Variants in AHSG observed in about 807,000 individuals in gnomAD.
AHSG encodes the protein alpha 2-HS glycoprotein.
In AHSG, 23 loss-of-function variants were observed where a neutral mutation model predicts 30.1. That is an observed-to-expected ratio of 0.76 (90% CI 0.55 to 1.08). The LOEUF is 1.08. Ranked by LOEUF, AHSG falls within the 50% of genes least tolerant of loss-of-function variation. The pLI, the probability that AHSG is intolerant of heterozygous loss-of-function variation, is 0.00. For synonymous variants in AHSG, 164 were observed against 186.3 expected (o/e 0.88, Z 0.98); for missense variants, 469 against 459.5 (o/e 1.02, Z -0.19).
In AHSG at chr3:186,620,726, A is replaced by G; in HGVS notation, c.900A>G (p.Leu300=). The change falls in exon 7 of 7, where the codon TTA becomes TTG. Residue 300 remains leucine, a synonymous_variant. Coordinates refer to ENST00000411641, the MANE Select transcript of AHSG (RefSeq NM_001622.4). ...GCTCACCCCCAGACTCCCATGTGTT[A>G]CTGGCAGCTCCTCCAGGACACCAGT... ...PAGSPPDSHV[L]LAAPPGHQLH... 12 of 1,614,032 alleles carry G rather than the reference A, an allele frequency of 7.4e-6. No individual in the cohort carries two copies. The highest frequency in any genetic ancestry group is 1.0e-5 in the Non-Finnish European group (12 of 1,179,994).
At chr3:186,619,583 T>G (rs139914096) in intron 5 of AHSG, among the ~76,000 whole-genome samples, 72 of 152,258 alleles carry the variant, frequency 4.7e-4, no homozygotes, top group African/African-American at 1.7e-3. Flanking sequence ...TTAAATCATA[T>G]TTAATAGTAT....
At chr3:186,618,406 A>T (rs923748932) in intron 4 of AHSG, 130 bp from the exon 5 acceptor site, 1 of 1,431,720 alleles carries the variant, frequency 7.0e-7, no homozygotes. Context: ...ATTGAGGGAC[A>T]TGTCTTCTGG....
chr3:186,616,552 A>G (rs751453434), intron 3 of AHSG, 25 bp downstream of exon 3: 2 of 1,563,006 alleles, frequency 1.3e-6, no homozygotes, highest in African/African-American at 1.4e-5. Context: ...TCTTATTCTC[A>G]TTTTTTCCTT....
rs370627604 is a variant in AHSG, at chr3:186,613,145, A to T, written c.4A>T (p.Lys2Ter). 152 of 1,613,850 alleles carry T rather than the reference A, an allele frequency of 9.4e-5. No homozygotes were observed. In the Middle Eastern group the frequency reaches 2.1e-3, roughly 23 times the overall value. The part of the protein sequence containing the change: M[K>*]SLVLLLCLAQ... ...CCAGGGCCTCTCTGGGGCAGCCATG[A>T]AGTCCCTCGTCCTGCTCCTTTGTCT... is the stretch of plus-strand genomic sequence containing the variant. The change falls in exon 1 of 7, where the codon AAG becomes TAG. Residue 2 changes from lysine to a stop codon, truncating the protein, a stop_gained. Coordinates refer to ENST00000411641, the MANE Select transcript of AHSG (RefSeq NM_001622.4). LOFTEE classifies it high-confidence loss of function.
chr3:186,613,203 A>T lies in AHSG; in HGVS notation c.62A>T (p.His21Leu). Residue 21 changes from histidine to leucine, a missense_variant, in exon 1 of 7, where the codon CAT becomes CTT. Physicochemically the swap from His to Leu is moderately conservative, Grantham distance 99 (BLOSUM62 -3). Transcript: ENST00000411641. ...AQLWGCHSAP[H>L]GPGLIYRQPN... ...CTCTGGGGCTGCCACTCAGCCCCAC[A>T]TGGCCCAGGGCTGATTTATAGACAA... is the stretch of plus-strand genomic sequence containing the variant. 1 of 1,614,032 alleles carries T rather than the reference A, an allele frequency of 6.2e-7. No individual in the cohort carries two copies. The highest frequency in any genetic ancestry group is 8.5e-7 in the Non-Finnish European group (1 of 1,179,964).
chr3:186,615,811 A>G lies in AHSG; in HGVS notation c.324+16A>G, dbSNP rs1205452676. Reference sequence around the variant, plus strand: ...GAAGGAGCATGTGAGTACCCTTCTTAGGATGACTGTAGGTGGCCCTTCGGC... The same window carrying G: ...GAAGGAGCATGTGAGTACCCTTCTTGGGATGACTGTAGGTGGCCCTTCGGC... On this transcript the variant is annotated intron_variant, in intron 2 of 6. Transcript: ENST00000411641. 6.2e-7 allele frequency: 1 copy of G among 1,607,954 alleles called. No individual in the cohort carries two copies. Among genetic ancestry groups the G allele is most frequent in the African/African-American group, 1.3e-5 (1 of 74,970 alleles).
At position 186,613,249 on chromosome 3, in the gene AHSG, A is replaced by G. The variant is rs1716197079; in HGVS notation, c.108A>G (p.Glu36=). The change falls in exon 1 of 7, where the codon GAA becomes GAG. Residue 36 remains glutamate, a synonymous_variant. Coordinates refer to ENST00000411641, the MANE Select transcript of AHSG (RefSeq NM_001622.4). ...GACAACCGAACTGCGATGATCCAGA[A>G]ACTGAGGAAGCAGCTCTGGTGGCTA... ...IYRQPNCDDP[E]TEEAALVAID... 10 of 1,614,184 alleles carry G rather than the reference A, an allele frequency of 6.2e-6. No individual in the cohort carries two copies. The highest frequency in any genetic ancestry group is 7.6e-6 in the Non-Finnish European group (9 of 1,180,030).
chr3:186,619,972 C>G (rs753869839), intron 6 of AHSG, 32 bp downstream of exon 6: 2 of 1,532,854 alleles, frequency 1.3e-6, no homozygotes, highest in Admixed American at 3.7e-5. Flanking sequence ...TTGCCTACAC[C>G]TTCAGAATAC....
In AHSG at chr3:186,617,283, C is replaced by A. The variant is rs761898439; in HGVS notation, c.506C>A (p.Ala169Asp). ...GTGCACGCCGCGAAAGCTGCCCTGG[C>A]CGCCTTCAACGCTCAGAACAACGGC... ...RVVHAAKAAL[A>D]AFNAQNNGSN... Residue 169 changes from alanine to aspartate, a missense_variant, in exon 4 of 7, where the codon GCC (alanine) becomes GAC (aspartate). By Grantham distance (126) the Ala-to-Asp change is moderately radical (BLOSUM62 -2). Coordinates refer to ENST00000411641, the MANE Select transcript of AHSG (RefSeq NM_001622.4). The A allele has an allele frequency of 5.0e-6, 8 of 1,614,192 alleles. No individual in the cohort carries two copies. Among genetic ancestry groups the A allele is most frequent in the Non-Finnish European group, 6.8e-6 (8 of 1,180,036 alleles).
Position 186,618,567 on chromosome 3 carries a change from C to T in AHSG, c.605C>T (p.Thr202Ile), listed in dbSNP as rs1267175463. 2.5e-6 allele frequency: 4 copies of T among 1,613,926 alleles called. No homozygotes were observed. Among genetic ancestry groups the T allele is most frequent in the Non-Finnish European group, 3.4e-6 (4 of 1,179,936 alleles). Residue 202 changes from threonine to isoleucine, a missense_variant, in exon 5 of 7, where the codon ACA (threonine) becomes ATA (isoleucine). Thr to Ile is a moderately conservative substitution (Grantham distance 89). Transcript: ENST00000411641. ...CCACCTTCTACCTATGTGGAGTTTACAGTGTCTGGCACTGACTGTGTTGCT... is the reference window on the plus strand; with the variant it reads ...CCACCTTCTACCTATGTGGAGTTTATAGTGTCTGGCACTGACTGTGTTGCT... ...PLPPSTYVEF[T>I]VSGTDCVAKE...
intron 2 of AHSG, among the ~76,000 whole-genome samples, chr3:186,616,090 G>T (rs888808831): frequency 9.9e-5 from 15 of 152,090 alleles, no homozygotes; most frequent in Non-Finnish European, 4.4e-5. Context: ...CCAGCTCCTC[G>T]GGAGGCTGAG....
Position 186,621,172 on chromosome 3 carries a change from C to T in AHSG, c.*242C>T. On this transcript the variant is annotated 3_prime_UTR_variant, in exon 7 of 7. Transcript: ENST00000411641. ...AACTTGTCATGATTTTGACGGTAAG[C>T]CACCATGATTGTGTTCTCTGCCTCT... The T allele has an allele frequency of 2.0e-6, 1 of 510,922 alleles. No homozygotes were observed. The highest frequency in any genetic ancestry group is 3.5e-6 in the Non-Finnish European group (1 of 284,178). 31.6% of individuals were successfully genotyped at this position (510,922 alleles called of 1,614,324 possible).
At chr3:186,619,068 G>A (rs571766921) in intron 5 of AHSG, among the ~76,000 whole-genome samples, 1 of 152,298 alleles carries the variant, frequency 6.6e-6, no homozygotes, top group Non-Finnish European at 1.5e-5. Context: ...AGGCCAAGAC[G>A]GGTGGATCGG....
In AHSG at chr3:186,613,185, G is replaced by A; in HGVS notation, c.44G>A (p.Gly15Asp). 2 of 1,614,028 alleles carry A rather than the reference G, an allele frequency of 1.2e-6. No homozygotes were observed. Among genetic ancestry groups the A allele is most frequent in the Non-Finnish European group, 1.7e-6 (2 of 1,179,992 alleles). ...CTCCTTTGTCTTGCTCAGCTCTGGGGCTGCCACTCAGCCCCACATGGCCCA... is the reference window on the plus strand; with the variant it reads ...CTCCTTTGTCTTGCTCAGCTCTGGGACTGCCACTCAGCCCCACATGGCCCA... ...VLLLCLAQLWGCHSAPHGPGL... is the reference protein window; with the variant it reads ...VLLLCLAQLWDCHSAPHGPGL... Residue 15 changes from glycine (G) to aspartate (D), a missense_variant, in exon 1 of 7, where the codon GGC becomes GAC. Coordinates refer to ENST00000411641, the MANE Select transcript of AHSG (RefSeq NM_001622.4).
Position 186,613,237 on chromosome 3 carries a change from C to A in AHSG, c.96C>A (p.Cys32Ter). The change falls in exon 1 of 7, where the codon TGC becomes TGA. Residue 32 changes from cysteine (C) to a stop codon, truncating the protein, a stop_gained. Coordinates refer to ENST00000411641, the MANE Select transcript of AHSG (RefSeq NM_001622.4). LOFTEE classifies it high-confidence loss of function. The stretch of plus-strand genomic sequence containing the variant: ...GGCTGATTTATAGACAACCGAACTG[C>A]GATGATCCAGAAACTGAGGAAGCAG... Reference protein sequence around the residue: ...GPGLIYRQPNCDDPETEEAAL... With the variant: ...GPGLIYRQPN The A allele has an allele frequency of 6.2e-7, 1 of 1,614,146 alleles. No homozygotes were observed. Among genetic ancestry groups the A allele is most frequent in the African/African-American group, 1.3e-5 (1 of 75,030 alleles).
intron 3 of AHSG, 97 bp downstream of exon 3, chr3:186,616,624 C>A: frequency 1.8e-6 from 2 of 1,091,400 alleles, no homozygotes; most frequent in South Asian, 3.1e-5. Context: ...GCAGCTTTGT[C>A]GGTGAGGAAA....
At chr3:186,613,931 CT>C (rs111804148) in intron 1 of AHSG, among the ~76,000 whole-genome samples, 315 of 138,630 alleles carry the variant, frequency 2.3e-3, no homozygotes, top group East Asian at 9.0e-3. Context: ...TTGTTTTTGT[CT>C]TTTTTTTTTT....
At chr3:186,617,085 T>C (rs1716325468) in intron 3 of AHSG, 102 bp from the exon 4 acceptor site, 1 of 1,516,900 alleles carries the variant, frequency 6.6e-7, no homozygotes, top group African/African-American at 1.4e-5. Flanking sequence ...AGAAAGTGCC[T>C]GAAGCTATCT....
Position 186,617,285 on chromosome 3 carries a change from G to T in AHSG, c.508G>T (p.Ala170Ser). 1 of 1,614,174 alleles carries T rather than the reference G, an allele frequency of 6.2e-7. No individual in the cohort carries two copies. The highest frequency in any genetic ancestry group is 1.7e-5 in the Admixed American group (1 of 60,022). The part of the protein sequence containing the change: ...VVHAAKAALA[A>S]FNAQNNGSNF... ...GCACGCCGCGAAAGCTGCCCTGGCCGCCTTCAACGCTCAGAACAACGGCTC... is the reference window on the plus strand; with the variant it reads ...GCACGCCGCGAAAGCTGCCCTGGCCTCCTTCAACGCTCAGAACAACGGCTC... The change falls in exon 4 of 7, where the codon GCC becomes TCC. Residue 170 changes from alanine (A) to serine (S), a missense_variant. Coordinates refer to ENST00000411641, the MANE Select transcript of AHSG (RefSeq NM_001622.4).
Sources: allele counts gnomAD v4.1 joint callset (sites outside exome capture counted in the v4.1 genomes callset), GRCh38; gene constraint gnomAD v4.1.1; transcripts MANE v1.5; gene names NCBI Gene and HGNC (gene_info 2026-07-23, HGNC 2026-07-21).